The following MYOF variants were observed in gnomAD, a reference collection of about 807,000 sequenced individuals.
MYOF encodes the protein myoferlin, also known as fer-1-like 3, myoferlin.
MYOF carries 244 observed loss-of-function variants against 284.2 expected under a neutral mutation model. The ratio of observed to expected loss-of-function variants is 0.86; its 90% CI spans 0.77 to 0.95. The LOEUF is 0.95. Ranked by LOEUF, MYOF falls within the 40% of genes least tolerant of loss-of-function variation. MYOF has a pLI of 0.00. For missense variants in MYOF, 2,496 were observed against 2,560.6 expected (o/e 0.97, Z 0.54); for synonymous variants, 904 against 919.7 (o/e 0.98, Z 0.31).
intron 11 of MYOF, among the ~76,000 whole-genome samples, 175 bp downstream of exon 11, chr10:93,402,057 A>C (rs1847321196): frequency 6.6e-6 from 1 of 152,210 alleles, no homozygotes. Context: ...GAGTTTAAGT[A>C]AGCTAGAACA....
chr10:93,319,564 A>G (rs1706710072), intron 49 of MYOF, among the ~76,000 whole-genome samples: 1 of 152,136 alleles, frequency 6.6e-6, no homozygotes, highest in Admixed American at 6.5e-5. Flanking sequence ...CCCATCACAT[A>G]AAGAACACAC....
At position 93,442,946 on chromosome 10, in the gene MYOF, G is replaced by A. The variant is rs373962568; in HGVS notation, c.236+9104C>T. Reference sequence around the variant, plus strand: ...GGCCGAGGGGGGCGGGTCACATGAGGCCAGGAGTTCGAGACCAGCCTGGCC... The same window carrying A: ...GGCCGAGGGGGGCGGGTCACATGAGACCAGGAGTTCGAGACCAGCCTGGCC... On this transcript the variant is annotated intron_variant, in intron 3 of 53. Coordinates refer to ENST00000359263, the MANE Select transcript of MYOF (RefSeq NM_013451.4). 1.2e-4 allele frequency among the ~76,000 whole-genome samples: 19 copies of A among 152,254 alleles called. No homozygotes were observed. The East Asian group carries it at 3.5e-3, about 28-fold the overall frequency.
chr10:93,406,291 TATATATA>T (rs1847577853), intron 7 of MYOF, among the ~76,000 whole-genome samples: 1 of 69,242 alleles, frequency 1.4e-5, no homozygotes. Context: ...ACCTCTTTTA[TATATATA>T]TATATATATA....
intron 2 of MYOF, among the ~76,000 whole-genome samples, chr10:93,454,113 C>T (rs569339840): frequency 5.3e-5 from 8 of 151,992 alleles, no homozygotes; most frequent in Non-Finnish European, 8.8e-5. Context: ...ACCCAGGAGG[C>T]GGAAGTTGCA....
chr10:93,310,303 G>C, intron 52 of MYOF, 136 bp from the exon 53 acceptor site: 1 of 1,200,552 alleles, frequency 8.3e-7, no homozygotes, highest in Non-Finnish European at 1.2e-6. Flanking sequence ...TTCGTTGACT[G>C]AGAAAGGCTC....
At chr10:93,443,546 A>C (rs1000517394) in intron 3 of MYOF, among the ~76,000 whole-genome samples, 5 of 150,990 alleles carry the variant, frequency 3.3e-5, no homozygotes, top group Non-Finnish European at 7.4e-5. Context: ...TGGCATCTTT[A>C]GACTAACCTT....
intron 53 of MYOF, among the ~76,000 whole-genome samples, chr10:93,307,625 A>ATT (rs141377552): frequency 0.014 from 1,760 of 128,636 alleles, 39 homozygotes; most frequent in African/African-American, 0.049. Context: ...AACCAATAGA[A>ATT]TTTTTTTTTT....
chr10:93,389,789 G>A (rs1180431706), intron 17 of MYOF, among the ~76,000 whole-genome samples: 1 of 152,030 alleles, frequency 6.6e-6, no homozygotes, highest in African/African-American at 2.4e-5. Flanking sequence ...CCTCAATGAA[G>A]GGCACTAAGG....
chr10:93,326,185 G>T (rs1475623639), intron 45 of MYOF, among the ~76,000 whole-genome samples: 1 of 152,188 alleles, frequency 6.6e-6, no homozygotes, highest in Admixed American at 6.5e-5. Context: ...ACTGCCAATA[G>T]TAAAGGGGCC....
intron 46 of MYOF, among the ~76,000 whole-genome samples, chr10:93,323,878 A>T (rs1842938374): frequency 6.6e-6 from 1 of 152,244 alleles, no homozygotes; most frequent in Admixed American, 6.5e-5. Context: ...ATAAAATCAA[A>T]GTAATGAATG....
At chr10:93,307,198 C>CA (rs1554833992) in intron 53 of MYOF, among the ~76,000 whole-genome samples, 197 bp from the exon 54 acceptor site, 6 of 151,424 alleles carry the variant, frequency 4.0e-5, no homozygotes, top group Admixed American at 6.6e-5. Context: ...ACCCCCCCGC[C>CA]AAGTTGTTGC....
chr10:93,323,592 T>G (rs933959419), intron 46 of MYOF: 1 of 533,000 alleles, frequency 1.9e-6, no homozygotes, highest in Non-Finnish European at 3.3e-6. Context: ...CGGCTGCACA[T>G]GCCCACCTGT....
chr10:93,347,567 A>AGAAAAAAAAAG (rs1554842497), intron 37 of MYOF, 50 bp downstream of exon 37: 1 of 1,009,920 alleles, frequency 9.9e-7, no homozygotes, highest in African/African-American at 2.0e-5. Context: ...TCAAAAAAAA[A>AGAAAAAAAAAG]AAAAAAAAAA....
At chr10:93,402,454 C>T (rs1396479094) in intron 10 of MYOF, 107 bp from the exon 11 acceptor site, 11 of 859,154 alleles carry the variant, frequency 1.3e-5, no homozygotes, top group South Asian at 6.0e-5. Context: ...AGCCTCTTCA[C>T]GACACACCAA....
intron 41 of MYOF, among the ~76,000 whole-genome samples, chr10:93,334,884 G>A (rs1193014103): frequency 6.6e-6 from 1 of 152,176 alleles, no homozygotes; most frequent in African/African-American, 2.4e-5. Flanking sequence ...AAGGATTTGA[G>A]ACCACACATC....
At chr10:93,419,884 C>A (rs1294470064) in intron 5 of MYOF, among the ~76,000 whole-genome samples, 1 of 152,180 alleles carries the variant, frequency 6.6e-6, no homozygotes, top group Non-Finnish European at 1.5e-5. Context: ...GTAATCCCAG[C>A]ACTTTGGGAG....
chr10:93,394,522 G>A (rs1229018375), intron 16 of MYOF, among the ~76,000 whole-genome samples: 16 of 134,754 alleles, frequency 1.2e-4, no homozygotes, highest in Non-Finnish European at 1.8e-4. Flanking sequence ...GTGCAGTGGC[G>A]CGATCTCGGC....
intron 31 of MYOF, among the ~76,000 whole-genome samples, chr10:93,354,793 A>G (rs1449110998): frequency 6.6e-6 from 1 of 151,920 alleles, no homozygotes; most frequent in East Asian, 1.9e-4. Flanking sequence ...ACAAGCCATA[A>G]GACTTTGGGC....
At chr10:93,395,378 C>T (rs142543437) in intron 16 of MYOF, among the ~76,000 whole-genome samples, 209 of 152,200 alleles carry the variant, frequency 1.4e-3, no homozygotes, top group African/African-American at 4.4e-3. Context: ...GGGAGGCAGA[C>T]GTTGCAGCGA....
Sources: gnomAD v4.1 joint callset for allele counts (sites outside exome capture counted in the v4.1 genomes callset) on GRCh38, gnomAD v4.1.1 for gene constraint, MANE v1.5 for transcripts, NCBI Gene and HGNC (gene_info 2026-07-23, HGNC 2026-07-21) for gene names.